Variants in PDCD6 observed in about 807,000 individuals in gnomAD.
PDCD6 encodes programmed cell death protein 6.
A neutral mutation model predicts 28.3 loss-of-function variants in PDCD6; 12 were observed. The observed-to-expected ratio is 0.42, with a 90% confidence interval of 0.27 to 0.69. The LOEUF (loss-of-function observed/expected upper bound fraction) is 0.69, where lower values mean the gene tolerates loss of function less well. Among genes scored for constraint, PDCD6 ranks in the 30% least tolerant of loss-of-function variants. PDCD6 has a pLI of 0.22. For synonymous variants in PDCD6, 92 were observed against 108.0 expected, an observed-to-expected ratio of 0.85 and a Z score of 0.92; for missense variants, 226 against 269.9, an observed-to-expected ratio of 0.84 and a Z score of 1.14.
intron 2 of PDCD6, among the ~76,000 whole-genome samples, chr5:275,144 G>C (rs1230447220): frequency 1.3e-5 from 2 of 152,190 alleles, no homozygotes; most frequent in African/African-American, 4.8e-5. Context: ...TGCAGGGCCA[G>C]GTGCAGTGGC....
At position 305,615 on chromosome 5, in the gene PDCD6, A is replaced by G. The variant is rs1740424346; in HGVS notation, c.209-987A>G. 1 of 152,216 alleles carries G rather than the reference A, an allele frequency of 6.6e-6. No homozygotes were observed. Among genetic ancestry groups the G allele is most frequent in the Non-Finnish European group, 1.5e-5 (1 of 68,048 alleles). The allele number at this position is 152,216 out of a possible 1,614,324, so 9.4% of individuals were successfully genotyped here. ...TACCCTGGGGTGCAGCTCACCCAGC[A>G]TCCTTCCCTGCTGGTGTGTGGTGCG... On this transcript the variant is annotated intron_variant, in intron 3 of 5. Transcript: ENST00000264933. This position sits in a 1 kb window ranked among gnomAD's most constrained non-coding sequence, Gnocchi z 4.0.
chr5:295,343 T>C (rs1212447505), intron 2 of PDCD6, among the ~76,000 whole-genome samples: 2 of 152,094 alleles, frequency 1.3e-5, no homozygotes, highest in African/African-American at 4.8e-5. Context: ...TAGACCTCCA[T>C]TGAAGGGCTC....
rs752856839 is a variant in PDCD6 at position 314,722 on chromosome 5, G to A, written c.*207G>A. 2 of 656,582 alleles carry A rather than the reference G, an allele frequency of 3.0e-6. No homozygotes were observed. The highest frequency in any genetic ancestry group is 5.6e-6 in the Non-Finnish European group (2 of 355,184). The allele number at this position is 656,582 out of a possible 1,614,324, so 40.7% of individuals were successfully genotyped here. A position where few individuals can be genotyped will look rare whatever the true frequency, so the allele number is the denominator to read the frequency against. On this transcript the variant is annotated 3_prime_UTR_variant, in exon 6 of 6. Transcript: ENST00000264933. Reference sequence around the variant, plus strand: ...CTGTATCGTTCTAATGCAGACATTGGATTTGGTGACTGTCTCATTGTGCCA... The same window carrying A: ...CTGTATCGTTCTAATGCAGACATTGAATTTGGTGACTGTCTCATTGTGCCA...
At chr5:275,566 T>C (rs1387568067) in intron 2 of PDCD6, among the ~76,000 whole-genome samples, 4 of 152,260 alleles carry the variant, frequency 2.6e-5, no homozygotes, top group Admixed American at 2.0e-4. Context: ...AAGTAAACTT[T>C]ATGACATAGT....
At chr5:301,012 T>C (rs1010006311) in intron 2 of PDCD6, among the ~76,000 whole-genome samples, 2 of 152,258 alleles carry the variant, frequency 1.3e-5, no homozygotes, top group African/African-American at 4.8e-5. Flanking sequence ...AACATCTCGC[T>C]TGTGTTTTAA....
Position 311,347 on chromosome 5 carries a change from A to G in PDCD6, c.422A>G (p.Gln141Arg). The G allele has an allele frequency of 6.2e-7, 1 of 1,614,136 alleles. No homozygotes were observed. The highest frequency in any genetic ancestry group is 8.5e-7 in the Non-Finnish European group (1 of 1,180,006). Residue 141 changes from glutamine to arginine, a missense_variant, in exon 5 of 6, where the codon CAG becomes CGG. This residue lies in a region of PDCD6 where 151 missense variants were observed against 177.2 expected (regional missense o/e 0.85). Coordinates refer to ENST00000264933, the MANE Select transcript of PDCD6 (RefSeq NM_013232.4). ...HDILIRKFDR[Q>R]GRGQIAFDDF... ...ATCCTCATTCGAAAGTTTGACAGGCAGGGACGGGGGCAGATTGCCTTCGAC... is the reference window on the plus strand; with the variant it reads ...ATCCTCATTCGAAAGTTTGACAGGCGGGGACGGGGGCAGATTGCCTTCGAC...
In PDCD6 at chr5:271,810, C is replaced by A. The variant is rs750325445; in HGVS notation, c.90C>A (p.Asn30Lys). 2.8e-6 allele frequency: 4 copies of A among 1,447,978 alleles called. No individual in the cohort carries two copies. The highest frequency in any genetic ancestry group is 1.4e-5 in the South Asian group (1 of 70,432). The allele number at this position is 1,447,978 out of a possible 1,614,324, so 89.7% of individuals were successfully genotyped here. A position where few individuals can be genotyped will look rare whatever the true frequency, so the allele number is the denominator to read the frequency against. The part of the protein sequence containing the change: ...AALPDQSFLW[N>K]VFQRVDKDRS... ...TGCCGGACCAGAGCTTCCTGTGGAACGTTTTCCAGAGGTGCGGCCTGGCAC... is the reference window on the plus strand; with the variant it reads ...TGCCGGACCAGAGCTTCCTGTGGAAAGTTTTCCAGAGGTGCGGCCTGGCAC... The change falls in exon 1 of 6, where the codon AAC becomes AAA. Residue 30 changes from asparagine (N) to lysine (K), a missense_variant. Physicochemically the swap from Asn to Lys is moderately conservative, Grantham distance 94. This residue lies in a region of PDCD6 where 72 missense variants were observed against 71.4 expected (regional missense o/e 1.01). Transcript: ENST00000264933.
At chr5:298,899 CT>C (rs1739812299) in intron 2 of PDCD6, among the ~76,000 whole-genome samples, 1 of 65,950 alleles carries the variant, frequency 1.5e-5, no homozygotes, top group East Asian at 4.7e-4. Context: ...CCCAGCTGCT[CT>C]CACCCAGCTG....
intron 4 of PDCD6, chr5:310,988 G>C: frequency 3.1e-6 from 1 of 326,722 alleles, no homozygotes. Context: ...TGTTTGGTGA[G>C]TGCTTCCCGG....
chr5:314,484 A>G lies in PDCD6; in HGVS notation c.545A>G (p.Gln182Arg). ...GGCTGGATTCAGGTGTCGTACGAAC[A>G]GTACCTGTCCATGGTCTTCAGTATC... ...QDGWIQVSYE[Q>R]YLSMVFSIV Residue 182 changes from glutamine (Q) to arginine (R), a missense_variant, in exon 6 of 6, where the codon CAG (glutamine) becomes CGG (arginine). Physicochemically the swap from Gln to Arg is conservative, Grantham distance 43. Coordinates refer to ENST00000264933, the MANE Select transcript of PDCD6 (RefSeq NM_013232.4). 1.2e-6 allele frequency: 2 copies of G among 1,613,708 alleles called. No homozygotes were observed.
intron 2 of PDCD6, among the ~76,000 whole-genome samples, chr5:286,521 G>A (rs1157275107): frequency 1.3e-5 from 2 of 151,778 alleles, no homozygotes; most frequent in Non-Finnish European, 2.9e-5. Flanking sequence ...CCGGGGATGT[G>A]CTGATGTTCC....
At chr5:285,225 C>G (rs1738868830) in intron 2 of PDCD6, among the ~76,000 whole-genome samples, 1 of 150,038 alleles carries the variant, frequency 6.7e-6, no homozygotes, top group Non-Finnish European at 1.5e-5. Context: ...GGCCGTGAAG[C>G]TGTAGACTCA....
chr5:289,684 T>G, intron 2 of PDCD6: 3 of 951,948 alleles, frequency 3.2e-6, no homozygotes, highest in Non-Finnish European at 5.2e-6. Flanking sequence ...TGTCGAAGAG[T>G]CACTGTGATT....
chr5:279,411 G>A (rs1252526648), intron 2 of PDCD6, among the ~76,000 whole-genome samples: 2 of 152,092 alleles, frequency 1.3e-5, no homozygotes, highest in African/African-American at 4.8e-5. Context: ...CCCAGGGAAC[G>A]GCGGCTCTGG....
At chr5:300,020 G>A (rs1157483231) in intron 2 of PDCD6, among the ~76,000 whole-genome samples, 2 of 152,156 alleles carry the variant, frequency 1.3e-5, no homozygotes, top group East Asian at 3.8e-4. Flanking sequence ...GTGGGTGATG[G>A]TATTTATTGC....
intron 2 of PDCD6, chr5:288,793 G>T: frequency 9.5e-7 from 1 of 1,052,696 alleles, no homozygotes; most frequent in South Asian, 2.3e-5. Flanking sequence ...GTTAAAACCA[G>T]AACTGTATGT....
intron 2 of PDCD6, among the ~76,000 whole-genome samples, chr5:302,744 C>T (rs1740185431): frequency 6.7e-6 from 1 of 148,250 alleles, no homozygotes; most frequent in African/African-American, 2.5e-5. Context: ...GTGGGGAGAG[C>T]ACAGCTTCCC....
At chr5:275,847 C>A (rs971830866) in intron 2 of PDCD6, among the ~76,000 whole-genome samples, 1 of 152,212 alleles carries the variant, frequency 6.6e-6, no homozygotes, top group African/African-American at 2.4e-5. Flanking sequence ...TGGTGGTTTG[C>A]TCCTCACATG....
chr5:302,329 C>A lies in PDCD6; in HGVS notation c.164-1848C>A, dbSNP rs147046182. Among the ~76,000 whole-genome samples the A allele has an allele frequency of 5.5e-3, 792 of 144,090 alleles. 9 individuals carry two copies. The highest frequency in any genetic ancestry group is 0.021 in the African/African-American group (777 of 37,686). 94.5% of individuals were successfully genotyped at this position (144,090 alleles called of 152,430 possible). A position where few individuals can be genotyped will look rare whatever the true frequency, so the allele number is the denominator to read the frequency against. On this transcript the variant is annotated intron_variant, in intron 2 of 5. Coordinates refer to ENST00000264933, the MANE Select transcript of PDCD6 (RefSeq NM_013232.4). ...GTGTGGGCCTCAGGTTCAGGTGCAC[C>A]TGCCTTTGTGGGAAGGGCACAGCTT...
Sources: allele counts gnomAD v4.1 joint callset (sites outside exome capture counted in the v4.1 genomes callset), GRCh38; gene constraint gnomAD v4.1.1; regional missense constraint gnomAD v4.1.1; non-coding constraint Gnocchi (gnomAD v3.1); transcripts MANE v1.5; gene names NCBI Gene and HGNC (gene_info 2026-07-23, HGNC 2026-07-21).